The following CCDC178 variants were observed in gnomAD, a reference collection of about 807,000 sequenced individuals.
CCDC178 encodes coiled-coil domain containing 178.
CCDC178 carries 126 observed loss-of-function variants against 117.4 expected under a neutral mutation model. The ratio of observed to expected loss-of-function variants is 1.07; its 90% confidence interval spans 0.93 to 1.24. The LOEUF (loss-of-function observed/expected upper bound fraction) is 1.24, where lower values mean the gene tolerates loss of function less well. CCDC178 is among the 50% of genes most tolerant of loss of function. CCDC178 has a pLI of 0.00. For missense variants in CCDC178, 1,030 were observed against 986.9 expected (o/e 1.04, Z -0.59); for synonymous variants, 283 against 313.4 (o/e 0.90, Z 1.02).
chr18:33,262,186 C>T (rs1313405010), intron 14 of CCDC178, among the ~76,000 whole-genome samples: 3 of 152,016 alleles, frequency 2.0e-5, no homozygotes, highest in Admixed American at 6.6e-5. Context: ...TTTTAAGAAA[C>T]AGATGAAGGA....
chr18:33,440,299 CT>C (rs2064363469), intron 1 of CCDC178, among the ~76,000 whole-genome samples: 4 of 14,522 alleles, frequency 2.8e-4, no homozygotes, highest in African/African-American at 1.1e-3. Flanking sequence ...GACTGGGGGA[CT>C]GGGGGACTGG....
chr18:33,257,910 CAA>C (rs2059699137), intron 14 of CCDC178, among the ~76,000 whole-genome samples: 1 of 151,996 alleles, frequency 6.6e-6, no homozygotes, highest in East Asian at 1.9e-4. Flanking sequence ...CTTCTCTCCT[CAA>C]ATCCTCTTCA....
rs2054865733 is a variant in CCDC178 at position 32,968,641 on chromosome 18, ATATT to A, written c.2523+5902_2523+5905del. Among the ~76,000 whole-genome samples the A allele has an allele frequency of 2.0e-5, 3 of 152,166 alleles. No homozygotes were observed. The South Asian group carries it at 6.2e-4, about 31-fold the overall frequency. On this transcript the variant is annotated intron_variant, in intron 22 of 22. Transcript: ENST00000383096. ...AAATCCAATTTTAGATTTATCGTAT[ATATT>A]CTTAAATTATAGGCAACTATAATTA...
chr18:33,215,767 A>G, intron 18 of CCDC178, 72 bp from the exon 19 acceptor site: 1 of 1,160,100 alleles, frequency 8.6e-7, no homozygotes, highest in Non-Finnish European at 1.2e-6. Context: ...TAGGAACACA[A>G]TTACATTGGC....
chr18:33,378,599 A>G (rs571151914), intron 5 of CCDC178, among the ~76,000 whole-genome samples: 5 of 152,156 alleles, frequency 3.3e-5, no homozygotes, highest in Admixed American at 6.6e-5. Context: ...CATTATTTTG[A>G]GGTATATTCA....
At chr18:33,427,453 G>C (rs1009755037) in intron 2 of CCDC178, among the ~76,000 whole-genome samples, 2 of 151,792 alleles carry the variant, frequency 1.3e-5, no homozygotes, top group South Asian at 4.1e-4. Flanking sequence ...AAATATCATT[G>C]TTCCACATCT....
At chr18:33,195,091 T>C (rs2058913147) in intron 20 of CCDC178, among the ~76,000 whole-genome samples, 1 of 137,610 alleles carries the variant, frequency 7.3e-6, no homozygotes, top group African/African-American at 2.8e-5. Flanking sequence ...TACTCCAGCC[T>C]GAATGATAGA....
In CCDC178 at chr18:33,239,426, A is replaced by C. The variant is rs117210577; in HGVS notation, c.1593+5819T>G. ...TATAGACCAACTGGATTGACTAAAA[A>C]AGACCCAACTATATGCTGCCTACAG... On this transcript the variant is annotated intron_variant, in intron 15 of 22. Coordinates refer to ENST00000383096, the MANE Select transcript of CCDC178 (RefSeq NM_001105528.4). 4.1e-3 allele frequency among the ~76,000 whole-genome samples: 623 copies of C among 152,022 alleles called. 2 individuals are homozygous for C. The highest frequency in any genetic ancestry group is 5.8e-3 in the Non-Finnish European group (396 of 67,882).
At chr18:33,259,422 A>C (rs2059715609) in intron 14 of CCDC178, among the ~76,000 whole-genome samples, 1 of 152,202 alleles carries the variant, frequency 6.6e-6, no homozygotes, top group Non-Finnish European at 1.5e-5. Context: ...ATGAGGCTTC[A>C]TGGACTCACA....
chr18:32,991,402 C>A lies in CCDC178; in HGVS notation c.2389-16721G>T, dbSNP rs8092850. On this transcript the variant is annotated intron_variant, in intron 21 of 22. Coordinates refer to ENST00000383096, the MANE Select transcript of CCDC178 (RefSeq NM_001105528.4). The stretch of plus-strand genomic sequence containing the variant: ...ACCTGTGGGGGAAACTGGACTTCAC[C>A]AGTAAGGATTCAAGCAAGTATTCAA... 9.3e-3 allele frequency among the ~76,000 whole-genome samples: 1,407 copies of A among 152,098 alleles called. 21 individuals carry two copies. The highest frequency in any genetic ancestry group is 0.033 in the African/African-American group (1,351 of 41,464).
Position 32,944,297 on chromosome 18 carries a change from G to A in CCDC178, c.2524-6206C>T, listed in dbSNP as rs924317420. Among the ~76,000 whole-genome samples the A allele has an allele frequency of 2.0e-5, 3 of 152,246 alleles. No homozygotes were observed. The South Asian group carries it at 6.2e-4, about 32-fold the overall frequency. ...TCCTTGAAAGATGAGACCGGAGATGGAAAAGCACGGATCTATTTAGGGAAT... is the reference window on the plus strand; with the variant it reads ...TCCTTGAAAGATGAGACCGGAGATGAAAAAGCACGGATCTATTTAGGGAAT... On this transcript the variant is annotated intron_variant, in intron 22 of 22. Transcript: ENST00000383096.
chr18:33,323,483 A>G lies in CCDC178; in HGVS notation c.1022+8T>C. 1.4e-6 allele frequency: 2 copies of G among 1,466,048 alleles called. No homozygotes were observed. The highest frequency in any genetic ancestry group is 1.8e-6 in the Non-Finnish European group (2 of 1,107,874). The allele number at this position is 1,466,048 out of a possible 1,614,324, so 90.8% of individuals were successfully genotyped here. ...ATGCTATAATTAGTGTTTGCGAAAA[A>G]TTCTTACTTGTAGGCCTCTATGGTT... On this transcript the variant is annotated splice_region_variant and intron_variant, in intron 11 of 22. Coordinates refer to ENST00000383096, the MANE Select transcript of CCDC178 (RefSeq NM_001105528.4).
intron 21 of CCDC178, among the ~76,000 whole-genome samples, chr18:33,063,250 C>T (rs2056957585): frequency 6.6e-6 from 1 of 152,058 alleles, no homozygotes; most frequent in Non-Finnish European, 1.5e-5. Flanking sequence ...GAGTATGTGC[C>T]CTCTCTGCCT....
chr18:33,025,552 A>G (rs1428077473), intron 21 of CCDC178, among the ~76,000 whole-genome samples: 1 of 152,196 alleles, frequency 6.6e-6, no homozygotes, highest in Non-Finnish European at 1.5e-5. Context: ...AGGTTAAAAA[A>G]CCAAATGATC....
chr18:33,101,578 C>T (rs919320466), intron 20 of CCDC178, among the ~76,000 whole-genome samples: 1 of 151,900 alleles, frequency 6.6e-6, no homozygotes. Flanking sequence ...AATGTGCTGC[C>T]TTCTTGGCCC....
At chr18:33,309,568 CAT>C (rs1361835444) in intron 11 of CCDC178, among the ~76,000 whole-genome samples, 1 of 151,984 alleles carries the variant, frequency 6.6e-6, no homozygotes. Flanking sequence ...CATGAAAAAA[CAT>C]GTTTCTAAAA....
At chr18:33,290,208 TG>T (rs1401185506) in intron 12 of CCDC178, among the ~76,000 whole-genome samples, 1 of 152,166 alleles carries the variant, frequency 6.6e-6, no homozygotes, top group African/African-American at 2.4e-5. Context: ...AAAACATTTT[TG>T]TCAAATGAAA....
intron 2 of CCDC178, among the ~76,000 whole-genome samples, chr18:33,422,177 CTCTTT>C (rs149434224): frequency 6.6e-6 from 1 of 152,176 alleles, no homozygotes; most frequent in African/African-American, 2.4e-5. Flanking sequence ...CTGTTTTGTG[CTCTTT>C]TCTTAGAATA....
chr18:33,028,485 C>A (rs1422541212), intron 21 of CCDC178, among the ~76,000 whole-genome samples: 2 of 151,750 alleles, frequency 1.3e-5, no homozygotes, highest in Non-Finnish European at 3.0e-5. Flanking sequence ...GTTCCAGTTT[C>A]TCCACATCCT....
Sources: gnomAD v4.1 joint callset for allele counts (sites outside exome capture counted in the v4.1 genomes callset) on GRCh38, gnomAD v4.1.1 for gene constraint, MANE v1.5 for transcripts, NCBI Gene and HGNC (gene_info 2026-07-23, HGNC 2026-07-21) for gene names.